The following LARP4B variants were observed in gnomAD, a reference collection of about 807,000 sequenced individuals.
The protein encoded by LARP4B is La ribonucleoprotein 4B, also known as la-related protein 4B.
A neutral mutation model predicts 89.8 loss-of-function variants in LARP4B; 12 were observed. The ratio of observed to expected loss-of-function variants is 0.13; its 90% CI spans 0.09 to 0.22. The LOEUF is 0.22. Among genes scored for constraint, LARP4B ranks in the 10% least tolerant of loss-of-function variants. The probability of loss-of-function intolerance (pLI) is 1.00; values close to 1 mark genes in which losing one functional copy is unlikely to be tolerated. For missense variants in LARP4B, 757 were observed against 947.7 expected, an observed-to-expected ratio of 0.80 and a Z score of 2.64; for synonymous variants, 367 against 363.3, an observed-to-expected ratio of 1.01 and a Z score of -0.12.
chr10:920,227 C>T (rs1303732196), intron 1 of LARP4B, among the ~76,000 whole-genome samples: 1 of 152,234 alleles, frequency 6.6e-6, no homozygotes, highest in Admixed American at 6.5e-5. Flanking sequence ...CGTTACAGTC[C>T]TAGCTCTGTC....
Position 906,354 on chromosome 10 carries a change from T to C in LARP4B, c.-39-20594A>G, listed in dbSNP as rs74116962. 2.7e-3 allele frequency among the ~76,000 whole-genome samples: 418 copies of C among 152,368 alleles called. 5 individuals carry two copies. The highest frequency in any genetic ancestry group is 9.7e-3 in the African/African-American group (405 of 41,586). On this transcript the variant is annotated intron_variant, in intron 1 of 17. Coordinates refer to ENST00000316157, the MANE Select transcript of LARP4B (RefSeq NM_015155.3). ...TTTACACTATTTTGATCAATTTATA[T>C]TAATTAAATCACACAGCTGCACGAA...
intron 5 of LARP4B, among the ~76,000 whole-genome samples, chr10:854,326 C>G (rs991640132): frequency 6.6e-6 from 1 of 152,208 alleles, no homozygotes; most frequent in South Asian, 2.1e-4. Flanking sequence ...ATGTTCTTAA[C>G]AGCATCTAGA....
intron 12 of LARP4B, 94 bp from the exon 13 acceptor site, chr10:825,410 GCT>G (rs1832569036): frequency 5.7e-6 from 7 of 1,236,114 alleles, no homozygotes; most frequent in Middle Eastern, 2.6e-4. Context: ...GCTGAAATCT[GCT>G]CTCTGTTTAA....
chr10:905,078 C>A (rs1034367258), intron 1 of LARP4B, among the ~76,000 whole-genome samples: 15 of 152,218 alleles, frequency 9.9e-5, no homozygotes, highest in Non-Finnish European at 7.3e-5. Flanking sequence ...CAAGATACCT[C>A]ATTATGTATA....
chr10:864,064 G>T (rs1164272268), intron 4 of LARP4B, 59 bp downstream of exon 4: 2 of 1,603,486 alleles, frequency 1.2e-6, no homozygotes, highest in Admixed American at 1.7e-5. Context: ...GATTAAAATG[G>T]CAACAAAAGC....
intron 5 of LARP4B, among the ~76,000 whole-genome samples, chr10:860,198 T>TA (rs960909849): frequency 3.9e-5 from 6 of 151,910 alleles, no homozygotes; most frequent in Non-Finnish European, 5.9e-5. Context: ...GAAAGTGCTC[T>TA]AAAAAAAACA....
At chr10:965,100 C>T in the LARP4B span, among the ~76,000 whole-genome samples, 1 of 152,182 alleles carries the variant, frequency 6.6e-6, no homozygotes, top group African/African-American at 2.4e-5. Context: ...GCTAGGTCCT[C>T]GCGGCTCAGC....
At position 829,541 on chromosome 10, in the gene LARP4B, T is replaced by C. The variant is rs1382979750; in HGVS notation, c.969A>G (p.Gly323=). 4.3e-6 allele frequency: 7 copies of C among 1,614,196 alleles called. No individual in the cohort carries two copies. Among genetic ancestry groups the C allele is most frequent in the Non-Finnish European group, 5.9e-6 (7 of 1,180,028 alleles). Residue 323 remains glycine (G), a synonymous_variant, in exon 11 of 18, where the codon GGA becomes GGG. Transcript: ENST00000316157. ...ACAGGCTCACGTCCAGGGGTCTAAATCCATTCTTTGGCAAAAATGTGTTTA... is the reference window on the plus strand; with the variant it reads ...ACAGGCTCACGTCCAGGGGTCTAAACCCATTCTTTGGCAAAAATGTGTTTA... ...IAINTFLPKN[G]FRPLDVSLYA...
At chr10:943,640 T>C in the LARP4B span, among the ~76,000 whole-genome samples, 1 of 152,192 alleles carries the variant, frequency 6.6e-6, no homozygotes, top group Non-Finnish European at 1.5e-5. Context: ...TGTTGAATTC[T>C]TTTTCCAAGA....
chr10:862,907 A>C (rs982591856), intron 5 of LARP4B, among the ~76,000 whole-genome samples: 2 of 152,218 alleles, frequency 1.3e-5, no homozygotes, highest in African/African-American at 4.8e-5. Flanking sequence ...TTACAACCCT[A>C]CATGAGAACA....
rs938768017 is a variant in LARP4B, at chr10:810,800, T to G, written c.*2126A>C. 7.9e-5 allele frequency: 12 copies of G among 151,376 alleles called. No homozygotes were observed. Among genetic ancestry groups the G allele is most frequent in the African/African-American group, 2.4e-4 (10 of 41,140 alleles). 9.4% of individuals were successfully genotyped at this position (151,376 alleles called of 1,614,324 possible). The stretch of plus-strand genomic sequence containing the variant: ...TTATTTCTGATTTTTTTTTTTTTTT[T>G]GGTCAGTGAACTGACAACTACAAAA... On this transcript the variant is annotated 3_prime_UTR_variant, in exon 18 of 18. Transcript: ENST00000316157.
chr10:899,130 T>C (rs1836265277), intron 1 of LARP4B, among the ~76,000 whole-genome samples: 1 of 152,214 alleles, frequency 6.6e-6, no homozygotes, highest in Non-Finnish European at 1.5e-5. Context: ...ATAAGCTAAA[T>C]ATTTCTCTTT....
chr10:833,285 C>T (rs868085508), intron 8 of LARP4B, among the ~76,000 whole-genome samples: 3 of 49,000 alleles, frequency 6.1e-5, no homozygotes, highest in Non-Finnish European at 1.3e-4. Context: ...AAAAAAAAAA[C>T]CTCAAAATGT....
chr10:909,400 G>A (rs1161508899), intron 1 of LARP4B, among the ~76,000 whole-genome samples: 1 of 151,768 alleles, frequency 6.6e-6, no homozygotes, highest in African/African-American at 2.4e-5. Context: ...CATTACACCT[G>A]CAGACCAGAA....
chr10:837,300 G>A (rs1413722932), intron 7 of LARP4B, among the ~76,000 whole-genome samples: 1 of 152,096 alleles, frequency 6.6e-6, no homozygotes. Flanking sequence ...GCTGAAAACT[G>A]CAAAACACTG....
Position 811,060 on chromosome 10 carries a change from T to C in LARP4B, c.*1866A>G, listed in dbSNP as rs915898578. ...CTTTAAAACTCTTTCACATTAGATA[T>C]GATTAGTATGCATTTACATACATTT... On this transcript the variant is annotated 3_prime_UTR_variant, in exon 18 of 18. Coordinates refer to ENST00000316157, the MANE Select transcript of LARP4B (RefSeq NM_015155.3). 6.6e-6 allele frequency: 1 copy of C among 152,536 alleles called. No individual in the cohort carries two copies. The highest frequency in any genetic ancestry group is 2.4e-5 in the African/African-American group (1 of 41,472). 9.4% of individuals were successfully genotyped at this position (152,536 alleles called of 1,614,324 possible).
rs768948198 is a variant in LARP4B at position 864,202 on chromosome 10, C to T, written c.210G>A (p.Leu70=). ...CACCGTCAGCAGCACTGCTTGCTTC[C>T]AGATGTAACACAGGAGCCCCCCACA... ...AEVWGAPVLH[L]EASSAADGVS... is the part of the protein sequence containing the mutation. The change falls in exon 4 of 18, where the codon CTG becomes CTA. Residue 70 remains leucine (L), a synonymous_variant. Coordinates refer to ENST00000316157, the MANE Select transcript of LARP4B (RefSeq NM_015155.3). 3.1e-6 allele frequency: 5 copies of T among 1,614,080 alleles called. No individual in the cohort carries two copies. The African/African-American group carries it at 6.7e-5, about 22-fold the overall frequency.
chr10:847,330 G>A (rs1438208662), intron 5 of LARP4B, among the ~76,000 whole-genome samples: 1 of 152,104 alleles, frequency 6.6e-6, no homozygotes, highest in Non-Finnish European at 1.5e-5. Context: ...CTCTCAGGGA[G>A]ACTGGAGGTT....
At chr10:846,702 C>A (rs1449700812) in intron 5 of LARP4B, among the ~76,000 whole-genome samples, 1 of 152,106 alleles carries the variant, frequency 6.6e-6, no homozygotes, top group Non-Finnish European at 1.5e-5. Context: ...ATGGTGTAGA[C>A]AGACTGTGCA....
Sources: gnomAD v4.1 joint callset for allele counts (sites outside exome capture counted in the v4.1 genomes callset) on GRCh38, gnomAD v4.1.1 for gene constraint, MANE v1.5 for transcripts, NCBI Gene and HGNC (gene_info 2026-07-23, HGNC 2026-07-21) for gene names.